The following EPHA6 variants were observed in gnomAD, a reference collection of about 807,000 sequenced individuals.
EPHA6 encodes the protein ephrin type-A receptor 6.
Under a neutral mutation model 112.0 loss-of-function variants are expected in EPHA6, and 50 were observed. The observed-to-expected ratio is 0.45, with a 90% CI of 0.36 to 0.56. EPHA6 has a LOEUF of 0.56. Ranked by LOEUF, EPHA6 falls within the 20% of genes least tolerant of loss-of-function variation. The pLI is 0.00. For synonymous variants in EPHA6, 529 were observed against 490.7 expected, an observed-to-expected ratio of 1.08 and a Z score of -1.03; for missense variants, 1,280 against 1,417.4, an observed-to-expected ratio of 0.90 and a Z score of 1.56.
intron 3 of EPHA6, among the ~76,000 whole-genome samples, chr3:97,119,547 A>G (rs2047985559): frequency 6.6e-6 from 1 of 151,976 alleles, no homozygotes; most frequent in African/African-American, 2.4e-5. Context: ...GGTACCACTT[A>G]CAGGAAGAGG....
intron 3 of EPHA6, among the ~76,000 whole-genome samples, chr3:97,073,276 C>T (rs920873077): frequency 6.6e-6 from 1 of 152,032 alleles, no homozygotes; most frequent in South Asian, 2.1e-4. Flanking sequence ...TCCTTCATGC[C>T]GCTCGTTGTT....
At chr3:97,328,080 A>ATATATATATGG (rs2082572857) in intron 5 of EPHA6, among the ~76,000 whole-genome samples, 1 of 71,426 alleles carries the variant, frequency 1.4e-5, no homozygotes, top group African/African-American at 8.3e-5. Flanking sequence ...TATATATATA[A>ATATATATATGG]CCTGTTTTGT....
At chr3:97,439,869 G>T (rs770578097) in intron 6 of EPHA6, among the ~76,000 whole-genome samples, 1 of 152,072 alleles carries the variant, frequency 6.6e-6, no homozygotes, top group Non-Finnish European at 1.5e-5. Flanking sequence ...AATGTGTGTC[G>T]CTATGTCAAA....
At chr3:97,068,154 CAAAAAAAAAAG>C (rs1323212361) in intron 3 of EPHA6, among the ~76,000 whole-genome samples, 27 of 61,006 alleles carry the variant, frequency 4.4e-4, no homozygotes, top group African/African-American at 2.5e-3. Flanking sequence ...GACTCCATCT[CAAAAAAAAAAG>C]AAAAAAAAAA....
chr3:97,300,478 A>G (rs1332868619), intron 5 of EPHA6, among the ~76,000 whole-genome samples: 1 of 152,184 alleles, frequency 6.6e-6, no homozygotes, highest in Non-Finnish European at 1.5e-5. Flanking sequence ...AACTATTTTC[A>G]CTTTTTCCAC....
At chr3:96,936,863 G>A (rs2040616042) in intron 2 of EPHA6, among the ~76,000 whole-genome samples, 2 of 152,054 alleles carry the variant, frequency 1.3e-5, no homozygotes, top group Admixed American at 1.3e-4. Flanking sequence ...TGTGGTGTTT[G>A]GTATTTTGTC....
chr3:97,123,257 A>T (rs2048092349), intron 3 of EPHA6, among the ~76,000 whole-genome samples: 1 of 152,104 alleles, frequency 6.6e-6, no homozygotes, highest in Admixed American at 6.6e-5. Flanking sequence ...TCAGTAATGT[A>T]TTTAAAAATA....
intron 10 of EPHA6, among the ~76,000 whole-genome samples, chr3:97,519,484 C>T (rs1004122979): frequency 2.6e-5 from 4 of 152,184 alleles, no homozygotes; most frequent in African/African-American, 9.6e-5. Context: ...TTTAATTCCA[C>T]ACTAATTGTA....
chr3:97,297,146 G>A (rs1036958682), intron 5 of EPHA6, among the ~76,000 whole-genome samples: 4 of 152,110 alleles, frequency 2.6e-5, no homozygotes, highest in African/African-American at 9.7e-5. Context: ...TAGGGTTGTA[G>A]GAGTTCACAG....
intron 15 of EPHA6, among the ~76,000 whole-genome samples, chr3:97,727,085 A>AT (rs1420037017): frequency 6.6e-6 from 1 of 152,090 alleles, no homozygotes; most frequent in Non-Finnish European, 1.5e-5. Context: ...ATTTAGGCAT[A>AT]TGCTAGCTAG....
At chr3:97,550,672 T>G (rs189812335) in intron 11 of EPHA6, among the ~76,000 whole-genome samples, 2 of 152,300 alleles carry the variant, frequency 1.3e-5, no homozygotes, top group Admixed American at 1.3e-4. Context: ...AAGAAGTATA[T>G]GAATGGTACC....
At chr3:97,235,736 A>G (rs1237671262) in intron 4 of EPHA6, among the ~76,000 whole-genome samples, 1 of 152,076 alleles carries the variant, frequency 6.6e-6, no homozygotes, top group Non-Finnish European at 1.5e-5. Flanking sequence ...TTATAAGTCA[A>G]TCTAAGGACA....
At chr3:97,167,343 C>G (rs2076565547) in intron 3 of EPHA6, among the ~76,000 whole-genome samples, 1 of 152,072 alleles carries the variant, frequency 6.6e-6, no homozygotes, top group Admixed American at 6.6e-5. Flanking sequence ...CCCAGCTTTC[C>G]TCTATCTCAG....
At chr3:96,834,776 C>A (rs2034298835) in intron 1 of EPHA6, among the ~76,000 whole-genome samples, 1 of 151,906 alleles carries the variant, frequency 6.6e-6, no homozygotes, top group Admixed American at 6.6e-5. Flanking sequence ...AATATCAGTT[C>A]CATCCCTTAT....
intron 13 of EPHA6, among the ~76,000 whole-genome samples, chr3:97,633,913 C>G (rs1306717698): frequency 6.6e-6 from 1 of 152,118 alleles, no homozygotes; most frequent in South Asian, 2.1e-4. Flanking sequence ...CTCAGCCAGA[C>G]AGAGGTGAAT....
At position 97,760,142 on chromosome 3, in the gene EPHA6, C is replaced by A; in HGVS notation, c.*11441C>A. 5.6e-6 allele frequency: 1 copy of A among 180,130 alleles called. No individual in the cohort carries two copies. Among genetic ancestry groups the A allele is most frequent in the Non-Finnish European group, 1.2e-5 (1 of 84,296 alleles). The allele number at this position is 180,130 out of a possible 1,614,324, so 11.2% of individuals were successfully genotyped here. A position where few individuals can be genotyped will look rare whatever the true frequency, so the allele number is the denominator to read the frequency against. On this transcript the variant is annotated 3_prime_UTR_variant, in exon 18 of 18. Coordinates refer to ENST00000389672, the MANE Select transcript of EPHA6 (RefSeq NM_001080448.3). Reference sequence around the variant, plus strand: ...ACGATTTGGGAGGGTATTGAGGTCCCATGTAAATTTTAAAATAAAAGACAA... The same window carrying A: ...ACGATTTGGGAGGGTATTGAGGTCCAATGTAAATTTTAAAATAAAAGACAA...
In EPHA6 at chr3:97,250,017, G is replaced by T. The variant is rs75804356; in HGVS notation, c.1606+5730G>T. ...TTTGAAAATAAATGGTTAGTTTTAT[G>T]CAAGGAAACCAAAAACACCTCTATA... On this transcript the variant is annotated intron_variant, in intron 5 of 17. Transcript: ENST00000389672. Among the ~76,000 whole-genome samples the T allele has an allele frequency of 2.0e-5, 3 of 152,158 alleles. No individual in the cohort carries two copies. In the East Asian group the frequency reaches 5.8e-4, roughly 29 times the overall value.
intron 2 of EPHA6, among the ~76,000 whole-genome samples, chr3:96,878,578 A>G (rs955086823): frequency 6.6e-6 from 1 of 152,054 alleles, no homozygotes; most frequent in African/African-American, 2.4e-5. Context: ...GATGCAGACT[A>G]TTAAGTTGAA....
At chr3:97,215,718 A>C (rs184326386) in intron 3 of EPHA6, among the ~76,000 whole-genome samples, 1 of 152,262 alleles carries the variant, frequency 6.6e-6, no homozygotes, top group Admixed American at 6.5e-5. Flanking sequence ...CATATGTATG[A>C]CATTTTCATT....
Sources: allele counts gnomAD v4.1 joint callset (sites outside exome capture counted in the v4.1 genomes callset), GRCh38; gene constraint gnomAD v4.1.1; transcripts MANE v1.5; gene names NCBI Gene and HGNC (gene_info 2026-07-23, HGNC 2026-07-21).